Variants in PRR5 observed in about 807,000 individuals in gnomAD.
PRR5 encodes the protein proline-rich protein 5.
PRR5 carries 25 observed loss-of-function variants against 30.6 expected under a neutral mutation model. That is an observed-to-expected ratio of 0.82 (90% CI 0.60 to 1.14). PRR5 has a LOEUF of 1.14. PRR5 is among the 50% of genes most tolerant of loss of function. PRR5 has a pLI of 0.00. For synonymous variants in PRR5, 286 were observed against 247.1 expected, an observed-to-expected ratio of 1.16 and a Z score of -1.48; for missense variants, 600 against 547.1, an observed-to-expected ratio of 1.10 and a Z score of -0.96.
chr22:44,730,094 C>T (rs1041569277), intron 4 of PRR5: 4 of 985,310 alleles, frequency 4.1e-6, no homozygotes, highest in Admixed American at 6.1e-5. Context: ...GGCCCCAGCC[C>T]CCAGGGCTGC....
At chr22:44,689,869 G>T (rs1412357917) in intron 1 of PRR5, among the ~76,000 whole-genome samples, 1 of 152,140 alleles carries the variant, frequency 6.6e-6, no homozygotes, top group African/African-American at 2.4e-5. Flanking sequence ...GGCTGGTCTC[G>T]AACTCCTGAC....
At chr22:44,707,182 CTGGCCCCTGTGCCCCTA>C (rs1398142624) in intron 1 of PRR5, among the ~76,000 whole-genome samples, 1 of 152,240 alleles carries the variant, frequency 6.6e-6, no homozygotes, top group African/African-American at 2.4e-5. Context: ...CTCCCTGGGT[CTGGCCCCTGTGCCCCTA>C]TGGGGCTTCC....
chr22:44,706,857 G>C (rs1354910673), intron 1 of PRR5, among the ~76,000 whole-genome samples: 2 of 91,354 alleles, frequency 2.2e-5, no homozygotes, highest in Non-Finnish European at 5.0e-5. Context: ...AGCTATGGAT[G>C]CCCGGCTGGC....
intron 2 of PRR5, among the ~76,000 whole-genome samples, chr22:44,719,186 C>T (rs1929558684): frequency 6.6e-6 from 1 of 151,564 alleles, no homozygotes; most frequent in Admixed American, 6.6e-5. Context: ...CTCAAGTGAT[C>T]CTCCCACCTC....
rs1339309275 is a variant in PRR5 at position 44,702,467 on chromosome 22, G to C, written c.-8G>C. The C allele has an allele frequency of 4.3e-6, 6 of 1,384,814 alleles. No homozygotes were observed. In the South Asian group the frequency reaches 9.9e-5, roughly 23 times the overall value. The allele number at this position is 1,384,814 out of a possible 1,614,324, so 85.8% of individuals were successfully genotyped here. On this transcript the variant is annotated 5_prime_UTR_variant, in exon 1 of 8. Transcript: ENST00000336985. ...CGCGTGGGCGCGGCGCAGGCGGCCC[G>C]GGTCACCATGAGGACTCTCCGCAGG...
intron 3 of PRR5, 112 bp from the exon 4 acceptor site, chr22:44,726,465 C>T: frequency 6.0e-6 from 9 of 1,491,386 alleles, no homozygotes; most frequent in Non-Finnish European, 8.2e-6. Flanking sequence ...GAGTCTCCTC[C>T]CCCTTTAAGC....
intron 1 of PRR5, among the ~76,000 whole-genome samples, chr22:44,707,970 G>A (rs963752754): frequency 8.5e-5 from 13 of 152,116 alleles, no homozygotes; most frequent in African/African-American, 2.4e-4. Flanking sequence ...CAGGGCCGGC[G>A]ATGATTCGCT....
chr22:44,717,777 C>T lies in PRR5; in HGVS notation c.215+3106C>T, dbSNP rs527590307. Among the ~76,000 whole-genome samples the T allele has an allele frequency of 3.0e-4, 45 of 149,508 alleles. 1 individual carries two copies. The South Asian group carries it at 7.4e-3, about 25-fold the overall frequency. On this transcript the variant is annotated intron_variant, in intron 2 of 7. Coordinates refer to ENST00000336985, the MANE Select transcript of PRR5 (RefSeq NM_181333.4). ...TGTTGCCCAGGCTAGAGTGCAATGG[C>T]GTGATCTCGGCTCACCACAACCTCC...
At position 44,725,674 on chromosome 22, in the gene PRR5, G is replaced by GT. The variant is rs371450237; in HGVS notation, c.264+384dup. Among the ~76,000 whole-genome samples, 460 of 151,772 alleles carry GT rather than the reference G, an allele frequency of 3.0e-3. 1 individual carries two copies. The highest frequency in any genetic ancestry group is 0.011 in the African/African-American group (442 of 41,390). On this transcript the variant is annotated intron_variant, in intron 3 of 7. Transcript: ENST00000336985. ...TGTCTTTTGTTTTGTTGTTGTTGTT[G>GT]TTGTTGTTGAGATGGAGTCTTGCTC...
intron 1 of PRR5, among the ~76,000 whole-genome samples, chr22:44,713,128 G>A (rs1170806160): frequency 6.6e-6 from 1 of 152,206 alleles, no homozygotes; most frequent in Non-Finnish European, 1.5e-5. Flanking sequence ...GGCCATGTCG[G>A]GAGGAGCCTG....
At chr22:44,688,980 T>A (rs1010148994) in intron 1 of PRR5, among the ~76,000 whole-genome samples, 4 of 152,212 alleles carry the variant, frequency 2.6e-5, no homozygotes, top group African/African-American at 7.2e-5. Context: ...TTATATCTTA[T>A]GTGTTATAAT....
At chr22:44,675,796 T>TTATTATTATTATTATTAC (rs1289110495), upstream of PRR5, among the ~76,000 whole-genome samples, 5 of 146,360 alleles carry the variant, frequency 3.4e-5, no homozygotes, top group Admixed American at 2.0e-4. Context: ...ATTATTATTA[T>TTATTATTATTATTATTAC]TACTTAGGTC....
intron 1 of PRR5, among the ~76,000 whole-genome samples, chr22:44,688,903 G>C (rs567789095): frequency 1.0e-3 from 157 of 152,280 alleles, no homozygotes; most frequent in African/African-American, 3.6e-3. Context: ...CAGGAGACTG[G>C]CTTGAATTCG....
intron 1 of PRR5, among the ~76,000 whole-genome samples, chr22:44,690,434 G>A (rs1925140965): frequency 6.6e-6 from 1 of 152,232 alleles, no homozygotes; most frequent in South Asian, 2.1e-4. Flanking sequence ...GGGGGAACCT[G>A]ACAGAGGGCA....
Position 44,691,522 on chromosome 22 carries a change from C to T in PRR5, c.-10-10970C>T, listed in dbSNP as rs972742616. On this transcript the variant is annotated intron_variant, in intron 1 of 8. Transcript: ENST00000006251. This position sits in a 1 kb window ranked among gnomAD's most constrained non-coding sequence, Gnocchi z 4.4. ...CCAGCGCCCCTGCAGTTTGGGAGGC[C>T]GAGCAGTTTGGGAGGCCGAGGCGGG... 1.3e-5 allele frequency among the ~76,000 whole-genome samples: 2 copies of T among 152,054 alleles called. No homozygotes were observed. Among genetic ancestry groups the T allele is most frequent in the Non-Finnish European group, 2.9e-5 (2 of 67,998 alleles).
chr22:44,682,600 G>A (rs993821670), intron 1 of PRR5, among the ~76,000 whole-genome samples: 1 of 152,218 alleles, frequency 6.6e-6, no homozygotes, highest in Non-Finnish European at 1.5e-5. Context: ...ATTTGGCCAA[G>A]GTCAGATTTG....
intron 1 of PRR5, among the ~76,000 whole-genome samples, chr22:44,708,966 C>CAAAAAAAAAAA (rs60854330): frequency 1.6e-5 from 1 of 64,422 alleles, no homozygotes; most frequent in Non-Finnish European, 3.7e-5. Context: ...GACTCTGTCT[C>CAAAAAAAAAAA]AAAAAAAAAA....
intron 7 of PRR5, among the ~76,000 whole-genome samples, chr22:44,735,953 G>GC (rs1011314293): frequency 4.8e-4 from 73 of 152,330 alleles, no homozygotes; most frequent in African/African-American, 1.7e-3. Flanking sequence ...CAGGACCCCA[G>GC]CCCCTGCCTG....
chr22:44,705,689 A>G (rs1927082534), intron 1 of PRR5, among the ~76,000 whole-genome samples: 1 of 151,822 alleles, frequency 6.6e-6, no homozygotes, highest in African/African-American at 2.4e-5. Flanking sequence ...CACTGGTGCA[A>G]TCTCAGCTCA....
Sources: allele counts gnomAD v4.1 joint callset (sites outside exome capture counted in the v4.1 genomes callset), GRCh38; gene constraint gnomAD v4.1.1; non-coding constraint Gnocchi (gnomAD v3.1); transcripts MANE v1.5; gene names NCBI Gene and HGNC (gene_info 2026-07-23, HGNC 2026-07-21).